Variants in GRK1 observed in about 807,000 individuals in gnomAD.
The protein encoded by GRK1 is G protein-coupled receptor kinase 1, also known as rhodopsin kinase GRK1.
GRK1 carries 28 observed loss-of-function variants against 41.7 expected under a neutral mutation model. The observed-to-expected ratio is 0.67, with a 90% CI of 0.50 to 0.92. The LOEUF (loss-of-function observed/expected upper bound fraction) is 0.92, where lower values mean the gene tolerates loss of function less well. Ranked by LOEUF, GRK1 falls within the 40% of genes least tolerant of loss-of-function variation. The pLI is 0.00. For missense variants in GRK1, 703 were observed against 671.2 expected (o/e 1.05, Z -0.52); for synonymous variants, 327 against 286.7 (o/e 1.14, Z -1.42).
At position 113,724,580 on chromosome 13, in the gene GRK1, C is replaced by A. The variant is rs570513752; in HGVS notation, c.1069+1423C>A. 9.2e-5 allele frequency among the ~76,000 whole-genome samples: 14 copies of A among 152,270 alleles called. No homozygotes were observed. In the South Asian group the frequency reaches 2.9e-3, roughly 32 times the overall value. On this transcript the variant is annotated intron_variant, in intron 4 of 6. Coordinates refer to ENST00000335678, the MANE Select transcript of GRK1 (RefSeq NM_002929.3). ...GGGGTGGGGGCTAAGGACTGTTTCC[C>A]CAAAGTTCTGACGAAGGGCAGTTCT...
At position 113,734,039 on chromosome 13, in the gene GRK1, T is replaced by C. The variant is rs1464558208; in HGVS notation, c.1396+954T>C. Among the ~76,000 whole-genome samples, 4 of 137,424 alleles carry C rather than the reference T, an allele frequency of 2.9e-5. 1 individual carries two copies. Among genetic ancestry groups the C allele is most frequent in the African/African-American group, 6.7e-5 (2 of 29,774 alleles). The allele number at this position is 137,424 out of a possible 152,430, so 90.2% of individuals were successfully genotyped here. The stretch of plus-strand genomic sequence containing the variant: ...ATGTGTGTGCGTGCGTGTGCGTATG[T>C]GTGTGTGCATACGTGTGTGTGCATG... On this transcript the variant is annotated intron_variant, in intron 6 of 6. Coordinates refer to ENST00000335678, the MANE Select transcript of GRK1 (RefSeq NM_002929.3).
At chr13:113,665,776 G>A (rs370840342), upstream of GRK1, among the ~76,000 whole-genome samples, 1 of 142,532 alleles carries the variant, frequency 7.0e-6, no homozygotes, top group Non-Finnish European at 1.5e-5. Flanking sequence ...TGTATCCCAG[G>A]TGTGCCCCAG....
Position 113,671,728 on chromosome 13 carries a change from T to C in GRK1, c.985+72T>C, listed in dbSNP as rs1359488362. On this transcript the variant is annotated intron_variant, in intron 3 of 6. Coordinates refer to ENST00000335678, the MANE Select transcript of GRK1 (RefSeq NM_002929.3). This position sits in a 1 kb window ranked among gnomAD's most constrained non-coding sequence, Gnocchi z 4.1. ...GGGGCGCAGCTTCCTTGGGGGTCTCTGCACAACCTCACGAGGGCTGACGGC... is the reference window on the plus strand; with the variant it reads ...GGGGCGCAGCTTCCTTGGGGGTCTCCGCACAACCTCACGAGGGCTGACGGC... 1.4e-6 allele frequency: 1 copy of C among 698,154 alleles called. No individual in the cohort carries two copies. 43.2% of individuals were successfully genotyped at this position (698,154 alleles called of 1,614,324 possible). A position where few individuals can be genotyped will look rare whatever the true frequency, so the allele number is the denominator to read the frequency against.
At chr13:113,663,915 G>A (rs750786776), upstream of GRK1, among the ~76,000 whole-genome samples, 1 of 152,134 alleles carries the variant, frequency 6.6e-6, no homozygotes, top group Non-Finnish European at 1.5e-5. Context: ...GTGCAATTAC[G>A]ACACTTTTAG....
At position 113,737,553 on chromosome 13, in the gene GRK1, C is replaced by A. The variant is rs1200157061; in HGVS notation, c.*2190C>A. ...CACCCTGGGTGAGGAGCATGTCTTC[C>A]CATAGAACCCACGTCGGCCACACCC... On this transcript the variant is annotated 3_prime_UTR_variant, in exon 7 of 7. Coordinates refer to ENST00000335678, the MANE Select transcript of GRK1 (RefSeq NM_002929.3). 2 of 155,050 alleles carry A rather than the reference C, an allele frequency of 1.3e-5. No homozygotes were observed. The highest frequency in any genetic ancestry group is 2.9e-5 in the Non-Finnish European group (2 of 69,902). 9.6% of individuals were successfully genotyped at this position (155,050 alleles called of 1,614,324 possible). A position where few individuals can be genotyped will look rare whatever the true frequency, so the allele number is the denominator to read the frequency against.
chr13:113,654,756 C>G, the GRK1 span: 1 of 1,579,916 alleles, frequency 6.3e-7, no homozygotes, highest in African/African-American at 1.3e-5. Flanking sequence ...TCTCCAGAGC[C>G]GAGGAGGCGG....
the GRK1 span, chr13:113,652,865 G>T: frequency 1.9e-5 from 31 of 1,613,798 alleles, no homozygotes; most frequent in Non-Finnish European, 2.5e-5. Flanking sequence ...GAGACCCTCA[G>T]TACTCACCCT....
At chr13:113,733,926 ATGTGTGCATACGTGTGTGCGTG>A (rs1231622605) in intron 6 of GRK1, among the ~76,000 whole-genome samples, 4 of 46,040 alleles carry the variant, frequency 8.7e-5, no homozygotes, top group African/African-American at 2.4e-4. Context: ...GCGTGTGTGC[ATGTGTGCATACGTGTGTGCGTG>A]TGTGTGCATA....
upstream of GRK1, among the ~76,000 whole-genome samples, chr13:113,664,333 C>T (rs1049862562): frequency 6.6e-6 from 1 of 152,166 alleles, no homozygotes; most frequent in South Asian, 2.1e-4. This position sits in a 1 kb window ranked among gnomAD's most constrained non-coding sequence, Gnocchi z 5.4. Flanking sequence ...AAGATGTCAT[C>T]ATTACAGGAG....
chr13:113,661,643 G>C, the GRK1 span, among the ~76,000 whole-genome samples: 1 of 152,060 alleles, frequency 6.6e-6, no homozygotes, highest in South Asian at 2.1e-4. Flanking sequence ...ACTGATAGCA[G>C]GAATAAAATA....
chr13:113,662,720 T>C (rs937083299), upstream of GRK1, among the ~76,000 whole-genome samples: 1 of 152,172 alleles, frequency 6.6e-6, no homozygotes, highest in African/African-American at 2.4e-5. Flanking sequence ...CCAAGAGGAA[T>C]ATTTAGGTGT....
chr13:113,734,021 TGC>T (rs879689246), intron 6 of GRK1, among the ~76,000 whole-genome samples: 20,754 of 147,166 alleles, frequency 0.14, 1,762 homozygotes, highest in Middle Eastern at 0.22. Flanking sequence ...TGCATGTGTG[TGC>T]GTGCGTGTGC....
chr13:113,733,787 ATG>A lies in GRK1; in HGVS notation c.1396+708_1396+709del, dbSNP rs533473901. Reference sequence around the variant, plus strand: ...TGTATGTGTGTGCATACGTGTGTGCATGTGTGTATGTGTATCTGTGTGCATAC... The same window carrying A: ...TGTATGTGTGTGCATACGTGTGTGCATGTGTATGTGTATCTGTGTGCATAC... On this transcript the variant is annotated intron_variant, in intron 6 of 6. Coordinates refer to ENST00000335678, the MANE Select transcript of GRK1 (RefSeq NM_002929.3). 4.1e-3 allele frequency among the ~76,000 whole-genome samples: 340 copies of A among 83,806 alleles called. 6 individuals are homozygous for A. Among genetic ancestry groups the A allele is most frequent in the African/African-American group, 0.016 (293 of 17,778 alleles). The allele number at this position is 83,806 out of a possible 152,430, so 55.0% of individuals were successfully genotyped here.
At chr13:113,654,112 G>GT in the GRK1 span, among the ~76,000 whole-genome samples, 1 of 152,188 alleles carries the variant, frequency 6.6e-6, no homozygotes, top group African/African-American at 2.4e-5. Context: ...CATAAATGTG[G>GT]TTTCATTGTG....
At chr13:113,733,955 C>T (rs1291328855) in intron 6 of GRK1, among the ~76,000 whole-genome samples, 6 of 119,878 alleles carry the variant, frequency 5.0e-5, no homozygotes, top group Non-Finnish European at 8.5e-5. Context: ...CGTGTGTGTG[C>T]ATACGTGTGT....
the GRK1 span, among the ~76,000 whole-genome samples, chr13:113,655,842 C>T: frequency 6.6e-6 from 1 of 152,204 alleles, no homozygotes; most frequent in African/African-American, 2.4e-5. Context: ...AGGGCAGGAC[C>T]AAGTCAGAGA....
intron 1 of GRK1, 131 bp from the exon 2 acceptor site, chr13:113,669,556 G>A (rs948954424): frequency 4.8e-6 from 5 of 1,052,124 alleles, no homozygotes; most frequent in African/African-American, 3.1e-5. Context: ...TGTGAAAGGC[G>A]CATTTAAAGC....
the GRK1 span, chr13:113,650,581 G>T: frequency 1.6e-6 from 2 of 1,230,928 alleles, no homozygotes; most frequent in Non-Finnish European, 2.3e-6. This position sits in a 1 kb window ranked among gnomAD's most constrained non-coding sequence, Gnocchi z 5.0. Context: ...GCGTTTGTGT[G>T]CGTGTGTGCA....
chr13:113,654,100 T>C, the GRK1 span, among the ~76,000 whole-genome samples: 3 of 152,238 alleles, frequency 2.0e-5, no homozygotes, highest in Non-Finnish European at 4.4e-5. Flanking sequence ...CCTCATTCTT[T>C]CCATAAATGT....
Sources: allele counts gnomAD v4.1 joint callset (sites outside exome capture counted in the v4.1 genomes callset), GRCh38; gene constraint gnomAD v4.1.1; non-coding constraint Gnocchi (gnomAD v3.1); transcripts MANE v1.5; gene names NCBI Gene and HGNC (gene_info 2026-07-23, HGNC 2026-07-21).